NREP: variants seen among roughly 807,000 people sequenced by gnomAD.
NREP encodes the protein neuronal regeneration related protein, also known as neuronal regeneration-related protein.
NREP carries 5 observed loss-of-function variants against 8.6 expected under a neutral mutation model. The observed-to-expected ratio is 0.58, with a 90% CI of 0.30 to 1.22. The LOEUF (loss-of-function observed/expected upper bound fraction) is 1.22, where lower values mean the gene tolerates loss of function less well. Ranked by LOEUF, NREP falls within the 50% of genes most tolerant of loss-of-function variation. The pLI is 0.07. For synonymous variants in NREP, 27 were observed against 28.0 expected, an observed-to-expected ratio of 0.96 and a Z score of 0.11; for missense variants, 86 against 82.5, an observed-to-expected ratio of 1.04 and a Z score of -0.17.
intron 2 of NREP, among the ~76,000 whole-genome samples, chr5:111,853,236 T>A (rs1414949250): frequency 6.6e-6 from 1 of 151,660 alleles, no homozygotes; most frequent in Non-Finnish European, 1.5e-5. Flanking sequence ...GGTTAGGAGG[T>A]AGGGAAGCAG....
At chr5:111,815,327 T>C (rs552128990) in intron 2 of NREP, among the ~76,000 whole-genome samples, 9 of 152,180 alleles carry the variant, frequency 5.9e-5, no homozygotes, top group Non-Finnish European at 1.3e-4. Flanking sequence ...TCCCCATAAC[T>C]GATTGGATTG....
At chr5:111,846,945 C>T (rs1288304948) in intron 2 of NREP, among the ~76,000 whole-genome samples, 1 of 152,098 alleles carries the variant, frequency 6.6e-6, no homozygotes, top group South Asian at 2.1e-4. Flanking sequence ...TCTAACGTTT[C>T]ATTATGCATC....
Position 111,930,617 on chromosome 5 carries a change from A to C in NREP, c.135+44657T>G, listed in dbSNP as rs1475872962. Among the ~76,000 whole-genome samples, 3 of 152,276 alleles carry C rather than the reference A, an allele frequency of 2.0e-5. No homozygotes were observed. In the East Asian group the frequency reaches 5.8e-4, roughly 30 times the overall value. ...TGCACATGACTTTGTGACTAGAAGG[A>C]GGTCAAGGATTCACAGTTAGTTAGC... is the stretch of plus-strand genomic sequence containing the variant. On this transcript the variant is annotated intron_variant, in intron 2 of 3. Transcript: ENST00000395634.
intron 2 of NREP, among the ~76,000 whole-genome samples, chr5:111,743,218 A>C (rs1749792005): frequency 6.6e-6 from 1 of 152,136 alleles, no homozygotes; most frequent in African/African-American, 2.4e-5. Context: ...AGTGAACAAT[A>C]ATAAAGCAAA....
intron 2 of NREP, among the ~76,000 whole-genome samples, chr5:111,929,138 G>A (rs995933741): frequency 6.6e-6 from 1 of 152,078 alleles, no homozygotes; most frequent in African/African-American, 2.4e-5. Flanking sequence ...TAATAGTTTA[G>A]ATTACACATT....
At chr5:111,767,195 T>C (rs529061399) in intron 2 of NREP, among the ~76,000 whole-genome samples, 1 of 152,288 alleles carries the variant, frequency 6.6e-6, no homozygotes, top group East Asian at 1.9e-4. Flanking sequence ...AGAAATTAGA[T>C]AAACTGGATT....
chr5:111,756,097 C>T, intron 1 of NREP: 1 of 1,146,718 alleles, frequency 8.7e-7, no homozygotes, highest in Non-Finnish European at 1.1e-6. Context: ...TGCATGAGTT[C>T]AAAAGGTTTA....
At chr5:111,750,203 A>G (rs1750267927) in intron 2 of NREP, among the ~76,000 whole-genome samples, 1 of 152,184 alleles carries the variant, frequency 6.6e-6, no homozygotes, top group African/African-American at 2.4e-5. Flanking sequence ...TACTCTTGCA[A>G]GCCTAACTCT....
chr5:111,741,128 C>T (rs763434713), intron 2 of NREP, among the ~76,000 whole-genome samples: 3 of 152,134 alleles, frequency 2.0e-5, no homozygotes, highest in African/African-American at 4.8e-5. Context: ...AATGCACACA[C>T]GGGTCCTTTA....
chr5:111,833,196 C>G (rs1752815688), intron 2 of NREP, among the ~76,000 whole-genome samples: 1 of 152,168 alleles, frequency 6.6e-6, no homozygotes, highest in African/African-American at 2.4e-5. Flanking sequence ...AAAATCTCTC[C>G]AAAATGAGGT....
chr5:111,920,548 T>C (rs1334926570), intron 2 of NREP, among the ~76,000 whole-genome samples: 4 of 152,140 alleles, frequency 2.6e-5, no homozygotes, highest in Admixed American at 2.6e-4. Context: ...AGCAGAAGTT[T>C]AATAAGCAAA....
chr5:111,823,537 G>A (rs1024691921), intron 2 of NREP, among the ~76,000 whole-genome samples: 2 of 152,078 alleles, frequency 1.3e-5, no homozygotes, highest in Admixed American at 6.6e-5. Flanking sequence ...GATATAAAGA[G>A]TTCAATAAAA....
chr5:111,814,599 G>T (rs546572105), intron 2 of NREP, among the ~76,000 whole-genome samples: 1 of 152,220 alleles, frequency 6.6e-6, no homozygotes, highest in Admixed American at 6.5e-5. Context: ...GCAGATCTTT[G>T]TTGAGCAACT....
At chr5:111,853,553 A>G (rs1406828613) in intron 2 of NREP, among the ~76,000 whole-genome samples, 1 of 152,170 alleles carries the variant, frequency 6.6e-6, no homozygotes, top group African/African-American at 2.4e-5. Flanking sequence ...ACTGTTCTGA[A>G]AAGTCAACTC....
At chr5:111,962,314 C>T (rs1756502966) in intron 2 of NREP, among the ~76,000 whole-genome samples, 1 of 152,050 alleles carries the variant, frequency 6.6e-6, no homozygotes, top group African/African-American at 2.4e-5. Flanking sequence ...ATGTAGATGA[C>T]TGAGCCAAAA....
At chr5:111,924,854 A>C (rs906126005) in intron 2 of NREP, among the ~76,000 whole-genome samples, 2 of 152,120 alleles carry the variant, frequency 1.3e-5, no homozygotes, top group Non-Finnish European at 2.9e-5. Flanking sequence ...ATATTGGTTT[A>C]CACCAGTGGA....
At chr5:111,955,055 G>C (rs1756270398) in intron 2 of NREP, among the ~76,000 whole-genome samples, 1 of 152,130 alleles carries the variant, frequency 6.6e-6, no homozygotes, top group Non-Finnish European at 1.5e-5. Flanking sequence ...CTGGTTGTTT[G>C]TTTTCACTAG....
At chr5:111,947,299 AATTC>A (rs1756015944) in intron 2 of NREP, among the ~76,000 whole-genome samples, 1 of 152,020 alleles carries the variant, frequency 6.6e-6, no homozygotes, top group African/African-American at 2.4e-5. Context: ...AGATTTTATT[AATTC>A]AGATTCAATG....
intron 2 of NREP, among the ~76,000 whole-genome samples, chr5:111,885,487 T>C (rs1012278603): frequency 1.3e-5 from 2 of 152,120 alleles, no homozygotes; most frequent in African/African-American, 4.8e-5. Context: ...TTAAAGTTCA[T>C]ATGGAACCAA....
Sources: gnomAD v4.1 joint callset for allele counts (sites outside exome capture counted in the v4.1 genomes callset) on GRCh38, gnomAD v4.1.1 for gene constraint, MANE v1.5 for transcripts, NCBI Gene and HGNC (gene_info 2026-07-23, HGNC 2026-07-21) for gene names.